The following JAZF1 variants were observed in gnomAD, a reference collection of about 807,000 sequenced individuals.
JAZF1 encodes the protein JAZF zinc finger 1, also known as juxtaposed with another zinc finger protein 1.
In JAZF1, 8 loss-of-function variants were observed where a neutral mutation model predicts 26.4. That is an observed-to-expected ratio of 0.30 (90% CI 0.18 to 0.55). The LOEUF is 0.55. Among genes scored for constraint, JAZF1 ranks in the 20% least tolerant of loss-of-function variants. The probability of loss-of-function intolerance (pLI) is 0.94; values close to 1 mark genes in which losing one functional copy is unlikely to be tolerated. For synonymous variants in JAZF1, 126 were observed against 122.3 expected (o/e 1.03, Z -0.20); for missense variants, 199 against 322.0 (o/e 0.62, Z 2.92).
At chr7:27,970,043 T>C (rs1340384917) in intron 2 of JAZF1, among the ~76,000 whole-genome samples, 2 of 152,124 alleles carry the variant, frequency 1.3e-5, no homozygotes, top group African/African-American at 4.8e-5. Flanking sequence ...GTAAGAGCAA[T>C]CTTTTAAAGT....
chr7:27,857,334 C>T (rs892239241), intron 3 of JAZF1, among the ~76,000 whole-genome samples: 3 of 152,344 alleles, frequency 2.0e-5, no homozygotes, highest in Admixed American at 6.5e-5. Context: ...CACGCCCACC[C>T]GGAACTCGTG....
chr7:28,120,777 C>T (rs1782590050), intron 1 of JAZF1, among the ~76,000 whole-genome samples: 1 of 152,128 alleles, frequency 6.6e-6, no homozygotes, highest in African/African-American at 2.4e-5. Context: ...CTCTGCCCTG[C>T]TACTCTCTTT....
chr7:27,966,824 T>C (rs1425127453), intron 2 of JAZF1, among the ~76,000 whole-genome samples: 1 of 152,188 alleles, frequency 6.6e-6, no homozygotes, highest in African/African-American at 2.4e-5. Context: ...CCTTTAAAGG[T>C]GTGAGATTCT....
intron 2 of JAZF1, among the ~76,000 whole-genome samples, chr7:27,928,113 TA>T: frequency 6.6e-6 from 1 of 152,346 alleles, no homozygotes; most frequent in Admixed American, 6.5e-5. Context: ...TGGCTATACT[TA>T]AAATGCTCAG....
intron 3 of JAZF1, chr7:27,842,785 C>T (rs1354682261): frequency 2.0e-5 from 3 of 152,128 alleles, no homozygotes; most frequent in East Asian, 1.9e-4. Context: ...AATGCTATTT[C>T]GCAAAGCTCC....
chr7:28,120,178 T>G (rs1406313447), intron 1 of JAZF1, among the ~76,000 whole-genome samples: 2 of 3,622 alleles, frequency 5.5e-4, no homozygotes, highest in Non-Finnish European at 1.4e-3. Context: ...GTTTGGTGGT[T>G]TTTTTTTTTT....
chr7:27,839,926 C>G (rs901265806), intron 4 of JAZF1, among the ~76,000 whole-genome samples: 1 of 152,152 alleles, frequency 6.6e-6, no homozygotes, highest in Non-Finnish European at 1.5e-5. Flanking sequence ...ATACTCCTAG[C>G]TCACAGTTGG....
intron 2 of JAZF1, among the ~76,000 whole-genome samples, chr7:27,946,401 T>C (rs1385908696): frequency 6.6e-6 from 1 of 152,238 alleles, no homozygotes; most frequent in East Asian, 1.9e-4. Flanking sequence ...TGAAATCTTG[T>C]AGTGTCTCAT....
At chr7:28,039,459 T>C (rs918498580) in intron 1 of JAZF1, among the ~76,000 whole-genome samples, 1 of 152,132 alleles carries the variant, frequency 6.6e-6, no homozygotes, top group African/African-American at 2.4e-5. Flanking sequence ...AGTAAGAAAT[T>C]AATCAGACAA....
rs376047127 is a variant in JAZF1 at position 28,110,532 on chromosome 7, G to GAAAGGAAAAGGA, written c.115+69919_115+69930dup. On this transcript the variant is annotated intron_variant, in intron 1 of 4. Coordinates refer to ENST00000283928, the MANE Select transcript of JAZF1 (RefSeq NM_175061.4). Reference sequence around the variant, plus strand: ...AGGAAAGGAAAAGGAAAAGGAAAAGGAAAGGAAAAGGAAAAGGAAAAGGAA... The same window carrying GAAAGGAAAAGGA: ...AGGAAAGGAAAAGGAAAAGGAAAAGGAAAGGAAAAGGAAAAGGAAAAGGAAAAGGAAAAGGAA... 2.3e-3 allele frequency among the ~76,000 whole-genome samples: 80 copies of GAAAGGAAAAGGA among 35,544 alleles called. 4 individuals carry two copies. The highest frequency in any genetic ancestry group is 3.4e-3 in the African/African-American group (41 of 12,178). The allele number at this position is 35,544 out of a possible 152,430, so 23.3% of individuals were successfully genotyped here.
At chr7:27,928,867 A>G (rs1350340197) in intron 2 of JAZF1, among the ~76,000 whole-genome samples, 3 of 152,218 alleles carry the variant, frequency 2.0e-5, no homozygotes, top group African/African-American at 2.4e-5. Flanking sequence ...CGATGAAACA[A>G]TTTGTACAAC....
chr7:27,856,070 T>C (rs540514113), intron 3 of JAZF1, among the ~76,000 whole-genome samples: 154 of 152,358 alleles, frequency 1.0e-3, no homozygotes, highest in African/African-American at 3.6e-3. Context: ...TGGTGGGTTC[T>C]TGGTCTCACT....
chr7:27,966,666 T>C (rs1311244934), intron 2 of JAZF1, among the ~76,000 whole-genome samples: 1 of 152,218 alleles, frequency 6.6e-6, no homozygotes, highest in Non-Finnish European at 1.5e-5. Context: ...CAATCGTTAC[T>C]GGTGGCCAAA....
At chr7:27,905,685 A>G (rs1033086877) in intron 2 of JAZF1, among the ~76,000 whole-genome samples, 1 of 151,824 alleles carries the variant, frequency 6.6e-6, no homozygotes, top group Non-Finnish European at 1.5e-5. Flanking sequence ...TTGGGTTGCC[A>G]ATTTTTATAT....
chr7:28,124,463 C>T (rs78643392), intron 1 of JAZF1, among the ~76,000 whole-genome samples: 3 of 152,280 alleles, frequency 2.0e-5, no homozygotes, highest in African/African-American at 7.2e-5. Context: ...GCCCAACCCA[C>T]TCTTCACCAT....
At chr7:27,851,398 A>G (rs1283995038) in intron 3 of JAZF1, among the ~76,000 whole-genome samples, 2 of 152,160 alleles carry the variant, frequency 1.3e-5, no homozygotes, top group Non-Finnish European at 2.9e-5. Context: ...ACCTGTTCAC[A>G]CACACTTTGG....
At chr7:28,063,635 A>G (rs891395511) in intron 1 of JAZF1, among the ~76,000 whole-genome samples, 5 of 152,180 alleles carry the variant, frequency 3.3e-5, no homozygotes, top group African/African-American at 1.2e-4. Context: ...TGGGCTCTTA[A>G]TTGTAAAAGC....
chr7:27,987,561 G>T (rs1461774250), intron 2 of JAZF1, among the ~76,000 whole-genome samples: 2 of 151,658 alleles, frequency 1.3e-5, no homozygotes, highest in Non-Finnish European at 2.9e-5. Context: ...CTGTCCGGGA[G>T]GGAGGTGGGG....
At position 28,003,981 on chromosome 7, in the gene JAZF1, T is replaced by C. The variant is rs143493604; in HGVS notation, c.116-12000A>G. On this transcript the variant is annotated intron_variant, in intron 1 of 4. Coordinates refer to ENST00000283928, the MANE Select transcript of JAZF1 (RefSeq NM_175061.4). ...TACGTCAAGTATTGGGTGCTAGGCA[T>C]TGAAGGTCCTCCTGCCTGCCCCTAC... Among the ~76,000 whole-genome samples, 642 of 152,230 alleles carry C rather than the reference T, an allele frequency of 4.2e-3. 11 individuals carry two copies. The highest frequency in any genetic ancestry group is 0.015 in the African/African-American group (612 of 41,520).
Sources: allele counts gnomAD v4.1 joint callset (sites outside exome capture counted in the v4.1 genomes callset), GRCh38; gene constraint gnomAD v4.1.1; transcripts MANE v1.5; gene names NCBI Gene and HGNC (gene_info 2026-07-23, HGNC 2026-07-21).